ARHGEF3: variants seen among roughly 807,000 people sequenced by gnomAD.
The protein encoded by ARHGEF3 is Rho guanine nucleotide exchange factor 3, also known as 59.8 kDA protein.
In ARHGEF3, 28 loss-of-function variants were observed where a neutral mutation model predicts 63.2. The ratio of observed to expected loss-of-function variants is 0.44; its 90% CI spans 0.33 to 0.61. The LOEUF (loss-of-function observed/expected upper bound fraction) is 0.61. Among genes scored for constraint, ARHGEF3 ranks in the 20% least tolerant of loss-of-function variants. The pLI is 0.03. For missense variants in ARHGEF3, 533 were observed against 659.3 expected (o/e 0.81, Z 2.10); for synonymous variants, 266 against 254.2 (o/e 1.05, Z -0.44).
intron 1 of ARHGEF3, among the ~76,000 whole-genome samples, chr3:56,798,421 T>A (rs1435011848): frequency 6.6e-6 from 1 of 152,194 alleles, no homozygotes; most frequent in Non-Finnish European, 1.5e-5. Flanking sequence ...AAACACCTCT[T>A]TGTATTTTGA....
chr3:57,051,487 C>CA (rs959293944), intron 1 of ARHGEF3, among the ~76,000 whole-genome samples: 5 of 150,688 alleles, frequency 3.3e-5, no homozygotes, highest in Non-Finnish European at 5.9e-5. Context: ...AACTCCACCT[C>CA]AAAAAAAATA....
intron 3 of ARHGEF3, among the ~76,000 whole-genome samples, chr3:56,951,347 C>T (rs1268540717): frequency 6.6e-6 from 1 of 151,698 alleles, no homozygotes; most frequent in African/African-American, 2.4e-5. Context: ...GTAACCACCA[C>T]CCTGATCCAT....
intron 3 of ARHGEF3, among the ~76,000 whole-genome samples, chr3:56,886,175 T>C (rs1358986860): frequency 2.0e-5 from 3 of 152,192 alleles, no homozygotes; most frequent in African/African-American, 7.2e-5. Flanking sequence ...TATTTAATTG[T>C]TTTCTGGGTT....
At chr3:57,068,717 G>C (rs1239385192) in intron 1 of ARHGEF3, among the ~76,000 whole-genome samples, 2 of 152,144 alleles carry the variant, frequency 1.3e-5, no homozygotes, top group East Asian at 3.8e-4. Context: ...TTCTGAGACT[G>C]GGCAGGAACT....
At chr3:56,774,285 T>C (rs976733058) in intron 1 of ARHGEF3, among the ~76,000 whole-genome samples, 2 of 152,172 alleles carry the variant, frequency 1.3e-5, no homozygotes, top group African/African-American at 2.4e-5. Flanking sequence ...CAAGATTGTT[T>C]TCTTACTTCA....
intron 4 of ARHGEF3, among the ~76,000 whole-genome samples, chr3:56,829,297 C>T (rs535651064): frequency 1.3e-5 from 2 of 152,154 alleles, no homozygotes; most frequent in Non-Finnish European, 2.9e-5. Context: ...TGGCAGTGAA[C>T]GTGGGCTCTC....
At chr3:57,038,626 G>T (rs1431143907) in intron 1 of ARHGEF3, among the ~76,000 whole-genome samples, 1 of 151,890 alleles carries the variant, frequency 6.6e-6, no homozygotes, top group Non-Finnish European at 1.5e-5. Context: ...TTAATTTTTT[G>T]TAGAGATGGG....
At chr3:57,035,040 C>G (rs1347476963) in intron 2 of ARHGEF3, 1 of 1,445,128 alleles carries the variant, frequency 6.9e-7, no homozygotes, top group East Asian at 2.5e-5. Context: ...TTGTTGCATA[C>G]AGGAATTTTA....
rs1156628846 is a variant in ARHGEF3, at chr3:56,798,536, CGTT to C, written c.96+3164_96+3166del. Among the ~76,000 whole-genome samples, 110 of 43,996 alleles carry C rather than the reference CGTT, an allele frequency of 2.5e-3. 1 individual carries two copies. Among genetic ancestry groups the C allele is most frequent in the African/African-American group, 6.1e-3 (94 of 15,292 alleles). 28.9% of individuals were successfully genotyped at this position (43,996 alleles called of 152,430 possible). On this transcript the variant is annotated intron_variant, in intron 1 of 9. Transcript: ENST00000296315. ...TGAGCTTGCTTCCTTTTCTTTACTT[CGTT>C]TTTTTTTTTTTTTTTTTTTAAGCCT... is the stretch of plus-strand genomic sequence containing the variant.
chr3:57,056,318 C>T lies in ARHGEF3; in HGVS notation c.-27-21142G>A, dbSNP rs534158999. Among the ~76,000 whole-genome samples, 345 of 140,990 alleles carry T rather than the reference C, an allele frequency of 2.4e-3. 1 individual carries two copies. The highest frequency in any genetic ancestry group is 8.7e-3 in the African/African-American group (327 of 37,612). The allele number at this position is 140,990 out of a possible 152,430, so 92.5% of individuals were successfully genotyped here. On this transcript the variant is annotated intron_variant, in intron 1 of 12. Coordinates refer to the ARHGEF3 transcript ENST00000338458. ...AGGAGAATCTCTTGAACCTGGGAGG[C>T]GGAGGTTGCAGTGAGCCAAGATTGT...
At chr3:56,942,056 A>G (rs1699214435) in intron 3 of ARHGEF3, among the ~76,000 whole-genome samples, 1 of 152,346 alleles carries the variant, frequency 6.6e-6, no homozygotes, top group African/African-American at 2.4e-5. Flanking sequence ...GATAATAATA[A>G]TATTGACTAA....
At chr3:56,731,892 T>C in intron 9 of ARHGEF3, 2 of 436,294 alleles carry the variant, frequency 4.6e-6, no homozygotes, top group Non-Finnish European at 8.2e-6. Flanking sequence ...GCAACTGGCA[T>C]CCATGTAGGG....
chr3:57,041,947 G>A (rs188860817), intron 1 of ARHGEF3, among the ~76,000 whole-genome samples: 184 of 152,264 alleles, frequency 1.2e-3, no homozygotes, highest in Non-Finnish European at 2.4e-3. Flanking sequence ...CTAAAAACGA[G>A]GCCACCACCC....
intron 2 of ARHGEF3, among the ~76,000 whole-genome samples, chr3:57,003,736 G>C (rs781751991): frequency 6.6e-6 from 1 of 152,166 alleles, no homozygotes; most frequent in Non-Finnish European, 1.5e-5. Flanking sequence ...AAGAAGGTCC[G>C]AGCAGTAGTA....
intron 4 of ARHGEF3, among the ~76,000 whole-genome samples, chr3:56,819,212 A>T (rs1333407915): frequency 6.6e-6 from 1 of 152,222 alleles, no homozygotes; most frequent in Non-Finnish European, 1.5e-5. Context: ...TTGTTGAATG[A>T]ATTAAAGAAC....
chr3:56,964,051 G>C (rs557961034), intron 2 of ARHGEF3, among the ~76,000 whole-genome samples: 115 of 152,106 alleles, frequency 7.6e-4, no homozygotes, highest in African/African-American at 2.6e-3. Flanking sequence ...CATAAATTAC[G>C]GGAAAAAAGA....
intron 1 of ARHGEF3, among the ~76,000 whole-genome samples, chr3:57,036,338 C>T (rs368015307): frequency 1.3e-4 from 20 of 152,126 alleles, no homozygotes; most frequent in Middle Eastern, 3.4e-3. Context: ...GGGTGCATGA[C>T]GCCCAAGTTT....
chr3:56,801,976 C>A, upstream of ARHGEF3: 47 of 1,287,390 alleles, frequency 3.7e-5, no homozygotes, highest in Non-Finnish European at 4.6e-5. Context: ...TGGGCGGGAC[C>A]GTGCCAGCCA....
At chr3:56,873,484 T>C (rs1245699730) in intron 4 of ARHGEF3, among the ~76,000 whole-genome samples, 2 of 152,122 alleles carry the variant, frequency 1.3e-5, no homozygotes, top group African/African-American at 4.8e-5. Context: ...AGAACATATG[T>C]ATTTGGTTGT....
Sources: allele counts gnomAD v4.1 joint callset (sites outside exome capture counted in the v4.1 genomes callset), GRCh38; gene constraint gnomAD v4.1.1; transcripts MANE v1.5; gene names NCBI Gene and HGNC (gene_info 2026-07-23, HGNC 2026-07-21).